The following WDR20 variants were observed in gnomAD, a reference collection of about 807,000 sequenced individuals.
WDR20 encodes WD repeat domain 20.
In WDR20, 3 loss-of-function variants were observed where a neutral mutation model predicts 38.7. The observed-to-expected ratio is 0.08, with a 90% CI of 0.04 to 0.20. The LOEUF is 0.20. Ranked by LOEUF, WDR20 falls within the 10% of genes least tolerant of loss-of-function variation. WDR20 has a pLI of 1.00. For synonymous variants in WDR20, 298 were observed against 285.6 expected, an observed-to-expected ratio of 1.04 and a Z score of -0.44; for missense variants, 559 against 727.7, an observed-to-expected ratio of 0.77 and a Z score of 2.67.
chr14:102,141,141 G>T (rs1018582661), intron 1 of WDR20, among the ~76,000 whole-genome samples: 1 of 152,122 alleles, frequency 6.6e-6, no homozygotes, highest in East Asian at 1.9e-4. Flanking sequence ...GCTTATTTTT[G>T]AGATTGTAGT....
chr14:102,177,616 T>C (rs1344190065), intron 1 of WDR20, among the ~76,000 whole-genome samples: 1 of 152,150 alleles, frequency 6.6e-6, no homozygotes, highest in Non-Finnish European at 1.5e-5. Flanking sequence ...CTCAAATCTG[T>C]CTCTCTGTGC....
downstream of WDR20, among the ~76,000 whole-genome samples, chr14:102,212,003 T>C (rs2062602570): frequency 6.6e-6 from 1 of 152,092 alleles, no homozygotes; most frequent in Admixed American, 6.5e-5. Flanking sequence ...CCCCCTTCTT[T>C]AAAATTCTCA....
intron 1 of WDR20, among the ~76,000 whole-genome samples, chr14:102,161,115 T>C (rs1310492513): frequency 1.5e-5 from 1 of 67,016 alleles, no homozygotes; most frequent in African/African-American, 4.9e-5. Context: ...GGTCAAAGCA[T>C]AACTGCATAT....
In WDR20 at chr14:102,207,428, C is replaced by T. The variant is rs555940079; in HGVS notation, c.433-1175C>T. Among the ~76,000 whole-genome samples the T allele has an allele frequency of 8.5e-5, 13 of 152,362 alleles. No individual in the cohort carries two copies. In the South Asian group the frequency reaches 1.9e-3, roughly 22 times the overall value. On this transcript the variant is annotated intron_variant, in intron 2 of 2. Coordinates refer to ENST00000342702, the MANE Select transcript of WDR20 (RefSeq NM_144574.4). The surrounding 1 kb of genome is among the most constrained non-coding windows in gnomAD (Gnocchi z 5.0). ...GCCTCAAAGCCACCCTGGCAGAAGT[C>T]GGCATGTTTCTTGGCAGATTCTGCC... is the stretch of plus-strand genomic sequence containing the variant.
At chr14:102,215,537 G>T (rs77060448), downstream of WDR20, among the ~76,000 whole-genome samples, 2,083 of 152,266 alleles carry the variant, frequency 0.014, 59 homozygotes, top group African/African-American at 0.048. Context: ...ATGTGCCACG[G>T]TGGTTTGTTG....
downstream of WDR20, chr14:102,213,903 T>C: frequency 9.1e-6 from 9 of 985,428 alleles, no homozygotes; most frequent in Non-Finnish European, 1.1e-5. Flanking sequence ...CGTGTCTGAC[T>C]GCCCACGGAA....
downstream of WDR20, chr14:102,212,917 A>C: frequency 9.1e-7 from 1 of 1,093,696 alleles, no homozygotes; most frequent in Non-Finnish European, 1.1e-6. Flanking sequence ...GAGGCTGTTA[A>C]ATACTCAGTC....
intron 1 of WDR20, chr14:102,193,657 C>A: frequency 1.5e-6 from 1 of 671,126 alleles, no homozygotes; most frequent in Non-Finnish European, 2.4e-6. Context: ...ATTTTGAGGT[C>A]CTCTTTTCTA....
At chr14:102,199,500 CAG>C (rs1392155673) in intron 2 of WDR20, among the ~76,000 whole-genome samples, 1 of 152,080 alleles carries the variant, frequency 6.6e-6, no homozygotes, top group East Asian at 1.9e-4. Flanking sequence ...GCAACCCAGG[CAG>C]AGAGTCAACA....
intron 1 of WDR20, among the ~76,000 whole-genome samples, chr14:102,193,970 A>G (rs534093248): frequency 1.1e-4 from 17 of 152,346 alleles, no homozygotes; most frequent in African/African-American, 3.8e-4. Flanking sequence ...GAAGAAAAGA[A>G]TCCTTCTTGA....
intron 2 of WDR20, among the ~76,000 whole-genome samples, chr14:102,202,998 C>T (rs2060790160): frequency 6.6e-6 from 1 of 152,206 alleles, no homozygotes. Context: ...CTCCACCCAG[C>T]CACATTCTGC....
chr14:102,186,460 C>G (rs778250695), intron 1 of WDR20, among the ~76,000 whole-genome samples: 2 of 152,136 alleles, frequency 1.3e-5, no homozygotes, highest in African/African-American at 2.4e-5. Context: ...ATTTTGGTTA[C>G]ATAGTTGAGC....
intron 1 of WDR20, among the ~76,000 whole-genome samples, chr14:102,184,060 C>T (rs1433352381): frequency 1.3e-5 from 2 of 152,062 alleles, no homozygotes; most frequent in East Asian, 2.0e-4. Context: ...AATGGGAATA[C>T]GTATTCCTAT....
At chr14:102,214,915 C>G (rs2063030774), downstream of WDR20, 4 of 984,826 alleles carry the variant, frequency 4.1e-6, no homozygotes, top group Non-Finnish European at 4.8e-6. Flanking sequence ...TCACAGCTAA[C>G]AAGACTTACT....
intron 1 of WDR20, among the ~76,000 whole-genome samples, chr14:102,156,951 G>C (rs1335847483): frequency 6.6e-6 from 1 of 152,018 alleles, no homozygotes; most frequent in East Asian, 1.9e-4. Flanking sequence ...GATCCGCGCC[G>C]TTGCACTCCA....
chr14:102,223,070 G>GT, exon 4 of WDR20: 1 of 571,846 alleles, frequency 1.7e-6, no homozygotes, highest in Non-Finnish European at 3.0e-6. Flanking sequence ...CAAAGAAGTT[G>GT]TTTCCATTTT....
intron 1 of WDR20, among the ~76,000 whole-genome samples, chr14:102,182,043 C>A (rs1157481193): frequency 1.3e-5 from 2 of 152,126 alleles, no homozygotes; most frequent in African/African-American, 4.8e-5. Flanking sequence ...CTGTGTAACC[C>A]TTTTAGCTGT....
chr14:102,184,771 G>A (rs185433694), intron 1 of WDR20, among the ~76,000 whole-genome samples: 11 of 152,240 alleles, frequency 7.2e-5, no homozygotes, highest in Non-Finnish European at 1.3e-4. Context: ...ATTTGCTGAC[G>A]TTTGACTTAT....
chr14:102,146,141 T>C (rs950580961), intron 1 of WDR20, among the ~76,000 whole-genome samples: 11 of 151,976 alleles, frequency 7.2e-5, no homozygotes, highest in African/African-American at 2.7e-4. Context: ...GTATTTATGC[T>C]GGAAGAGTTT....
Sources: allele counts gnomAD v4.1 joint callset (sites outside exome capture counted in the v4.1 genomes callset), GRCh38; gene constraint gnomAD v4.1.1; non-coding constraint Gnocchi (gnomAD v3.1); transcripts MANE v1.5; gene names NCBI Gene and HGNC (gene_info 2026-07-23, HGNC 2026-07-21).